TP63: variants seen among roughly 807,000 people sequenced by gnomAD.
TP63 encodes tumor protein 63.
Under a neutral mutation model 82.8 loss-of-function variants are expected in TP63, and 17 were observed. The ratio of observed to expected loss-of-function variants is 0.21; its 90% CI spans 0.14 to 0.31. The LOEUF (loss-of-function observed/expected upper bound fraction) is 0.31, where lower values mean the gene tolerates loss of function less well. Ranked by LOEUF, TP63 falls within the 10% of genes least tolerant of loss-of-function variation. The probability of loss-of-function intolerance (pLI) is 1.00; values close to 1 mark genes in which losing one functional copy is unlikely to be tolerated. For synonymous variants in TP63, 330 were observed against 321.7 expected, an observed-to-expected ratio of 1.03 and a Z score of -0.28; for missense variants, 648 against 895.3, an observed-to-expected ratio of 0.72 and a Z score of 3.52.
intron 1 of TP63, among the ~76,000 whole-genome samples, chr3:189,708,836 C>A (rs1718384865): frequency 6.6e-6 from 1 of 152,140 alleles, no homozygotes; most frequent in African/African-American, 2.4e-5. Flanking sequence ...AGGATTACTC[C>A]TCTTAGACTT....
At chr3:189,762,330 G>A (rs1463284024) in intron 3 of TP63, among the ~76,000 whole-genome samples, 1 of 152,088 alleles carries the variant, frequency 6.6e-6, no homozygotes, top group East Asian at 1.9e-4. Context: ...GGTGTTTAAG[G>A]TTCAGGGAAA....
At chr3:189,820,079 A>C (rs146945053) in intron 4 of TP63, among the ~76,000 whole-genome samples, 1 of 152,314 alleles carries the variant, frequency 6.6e-6, no homozygotes, top group African/African-American at 2.4e-5. Flanking sequence ...GTCAATGACT[A>C]CATTGAATAC....
rs114252996 is a variant in TP63, at chr3:189,658,114, A to C, written c.62+26537A>C. ...TAACAACAGAAACAATCCACAAAACATAATAACGGGGATATGTCAGTGGTA... is the reference window on the plus strand; with the variant it reads ...TAACAACAGAAACAATCCACAAAACCTAATAACGGGGATATGTCAGTGGTA... On this transcript the variant is annotated intron_variant, in intron 1 of 13. Transcript: ENST00000264731. Among the ~76,000 whole-genome samples the C allele has an allele frequency of 2.8e-3, 423 of 152,154 alleles. 2 individuals carry two copies. The highest frequency in any genetic ancestry group is 9.8e-3 in the African/African-American group (406 of 41,552).
chr3:189,802,174 A>G (rs921551206), intron 3 of TP63, among the ~76,000 whole-genome samples: 2 of 152,156 alleles, frequency 1.3e-5, no homozygotes, highest in African/African-American at 2.4e-5. Context: ...TATCCTGCTG[A>G]TATTTGGGGA....
chr3:189,761,773 A>G (rs1442846025), intron 3 of TP63, among the ~76,000 whole-genome samples: 3 of 152,228 alleles, frequency 2.0e-5, no homozygotes, highest in Non-Finnish European at 4.4e-5. Context: ...GCAATTTAAA[A>G]AAGAAAGAGG....
chr3:189,848,160 A>G (rs1364156071), intron 4 of TP63, among the ~76,000 whole-genome samples: 2 of 151,726 alleles, frequency 1.3e-5, no homozygotes, highest in African/African-American at 4.8e-5. Context: ...GCTGAACCAA[A>G]TGATCTTTAA....
At chr3:189,690,640 G>GA (rs1716843395) in intron 1 of TP63, among the ~76,000 whole-genome samples, 1 of 152,140 alleles carries the variant, frequency 6.6e-6, no homozygotes, top group East Asian at 1.9e-4. Flanking sequence ...GCTCAAGAAG[G>GA]AAAACCCAAA....
chr3:189,604,350 T>A, the TP63 span, among the ~76,000 whole-genome samples: 2 of 152,196 alleles, frequency 1.3e-5, no homozygotes, highest in African/African-American at 2.4e-5. Flanking sequence ...TTAGCTCTCA[T>A]TCATTAAATG....
At chr3:189,675,745 A>G (rs1006607670) in intron 1 of TP63, among the ~76,000 whole-genome samples, 5 of 152,074 alleles carry the variant, frequency 3.3e-5, no homozygotes, top group Non-Finnish European at 7.4e-5. Context: ...AGCTGCATCA[A>G]ATAAATGAAA....
In TP63 at chr3:189,890,972, A is replaced by G. The variant is rs553280179; in HGVS notation, c.1746+90A>G. ...CTTGTAGTTCAATCCCTGATAGTTT[A>G]AAAATTTGTTTTTGTCATGCCCCCA... is the stretch of plus-strand genomic sequence containing the variant. On this transcript the variant is annotated intron_variant, in intron 13 of 13. Coordinates refer to ENST00000264731, the MANE Select transcript of TP63 (RefSeq NM_003722.5). 1,656 of 1,350,618 alleles carry G rather than the reference A, an allele frequency of 1.2e-3. 2 individuals carry two copies. The highest frequency in any genetic ancestry group is 1.6e-3 in the Non-Finnish European group (1,570 of 967,340). 83.7% of individuals were successfully genotyped at this position (1,350,618 alleles called of 1,614,324 possible).
intron 3 of TP63, among the ~76,000 whole-genome samples, chr3:189,750,258 TA>T (rs1354775387): frequency 6.6e-6 from 1 of 152,066 alleles, no homozygotes; most frequent in East Asian, 1.9e-4. Flanking sequence ...TGTAGGAGCT[TA>T]AAAAATTTAT....
intron 3 of TP63, among the ~76,000 whole-genome samples, chr3:189,786,842 C>T (rs1042643671): frequency 1.3e-5 from 2 of 152,032 alleles, no homozygotes; most frequent in Non-Finnish European, 2.9e-5. Context: ...GATAATAATA[C>T]TAACTTACAC....
chr3:189,683,014 C>A (rs1560107858), intron 1 of TP63, among the ~76,000 whole-genome samples: 1 of 152,166 alleles, frequency 6.6e-6, no homozygotes, highest in Non-Finnish European at 1.5e-5. Flanking sequence ...TCTTATGCTT[C>A]AGATGCTTTT....
intron 1 of TP63, among the ~76,000 whole-genome samples, chr3:189,682,336 G>A (rs1159220099): frequency 6.9e-6 from 1 of 145,644 alleles, no homozygotes; most frequent in African/African-American, 2.6e-5. Flanking sequence ...TCCATTTTCT[G>A]TTGAATAAAT....
chr3:189,874,266 T>A (rs2108822011), intron 10 of TP63, among the ~76,000 whole-genome samples: 1 of 152,254 alleles, frequency 6.6e-6, no homozygotes, highest in African/African-American at 2.4e-5. Context: ...GAGATGGGGT[T>A]TCACCATGTT....
the TP63 span, among the ~76,000 whole-genome samples, chr3:189,621,043 T>A: frequency 6.6e-6 from 1 of 152,212 alleles, no homozygotes; most frequent in East Asian, 1.9e-4. Context: ...GACACTTTCT[T>A]TCATGTACAT....
chr3:189,626,495 G>A (rs1318631902), upstream of TP63, among the ~76,000 whole-genome samples: 1 of 152,158 alleles, frequency 6.6e-6, no homozygotes. Flanking sequence ...CATAGTCACA[G>A]GCTGCCAGAG....
intron 4 of TP63, among the ~76,000 whole-genome samples, chr3:189,840,072 CTG>C (rs1713754624): frequency 6.6e-6 from 1 of 152,210 alleles, no homozygotes; most frequent in African/African-American, 2.4e-5. Flanking sequence ...AGTGCCTAGA[CTG>C]TAGATCACAG....
At chr3:189,645,367 G>A in intron 1 of TP63, 1 of 524,404 alleles carries the variant, frequency 1.9e-6, no homozygotes, top group Non-Finnish European at 3.6e-6. Context: ...ACTGTACTGG[G>A]TATTCCAGCT....
Sources: allele counts gnomAD v4.1 joint callset (sites outside exome capture counted in the v4.1 genomes callset), GRCh38; gene constraint gnomAD v4.1.1; transcripts MANE v1.5; gene names NCBI Gene and HGNC (gene_info 2026-07-23, HGNC 2026-07-21).